ACOXL: variants seen among roughly 807,000 people sequenced by gnomAD.
ACOXL encodes acyl-CoA oxidase like, also known as acyl-coenzyme A oxidase-like protein.
In ACOXL, 70 loss-of-function variants were observed where a neutral mutation model predicts 71.9. That is an observed-to-expected ratio of 0.97 (90% confidence interval 0.80 to 1.19). The LOEUF is 1.19. Among genes scored for constraint, ACOXL ranks in the 50% most tolerant of loss-of-function variants. The probability of loss-of-function intolerance (pLI) is 0.00; values close to 1 mark genes in which losing one functional copy is unlikely to be tolerated. For missense variants in ACOXL, 703 were observed against 736.3 expected, an observed-to-expected ratio of 0.95 and a Z score of 0.52; for synonymous variants, 253 against 281.6, an observed-to-expected ratio of 0.90 and a Z score of 1.02.
intron 16 of ACOXL, among the ~76,000 whole-genome samples, chr2:111,069,456 T>C (rs1343317845): frequency 2.0e-5 from 3 of 152,174 alleles, no homozygotes; most frequent in African/African-American, 7.2e-5. Flanking sequence ...CTGGCCTCCC[T>C]CTTCTTATAA....
At chr2:110,919,970 G>C (rs189717779) in intron 11 of ACOXL, among the ~76,000 whole-genome samples, 1 of 152,266 alleles carries the variant, frequency 6.6e-6, no homozygotes, top group East Asian at 1.9e-4. Context: ...CATTTAACTA[G>C]GGAGGAACAT....
chr2:110,950,912 GTC>G (rs147405367), intron 12 of ACOXL, among the ~76,000 whole-genome samples: 20 of 151,406 alleles, frequency 1.3e-4, no homozygotes, highest in African/African-American at 3.6e-4. Context: ...GTGCTAGAGG[GTC>G]TCTCTCTCTC....
chr2:110,970,930 A>G (rs927404649), intron 12 of ACOXL, among the ~76,000 whole-genome samples: 1 of 152,254 alleles, frequency 6.6e-6, no homozygotes, highest in Non-Finnish European at 1.5e-5. Context: ...TAGGGTTGAC[A>G]TCAAAAGCAC....
intron 12 of ACOXL, among the ~76,000 whole-genome samples, chr2:110,937,353 A>G (rs1417605458): frequency 6.7e-6 from 1 of 148,526 alleles, no homozygotes; most frequent in Non-Finnish European, 1.5e-5. Context: ...TAAAAGAGTA[A>G]ATTTAGAACA....
Position 111,074,617 on chromosome 2 carries a change from C to T in ACOXL, c.1441-18248C>T, listed in dbSNP as rs187185297. On this transcript the variant is annotated intron_variant, in intron 16 of 17. Transcript: ENST00000439055. ...ATGTCTTTTGATTTTTTTTTGGAAA[C>T]CAGGTCTCATACCATCTCCCGTGCT... Among the ~76,000 whole-genome samples, 780 of 151,174 alleles carry T rather than the reference C, an allele frequency of 5.2e-3. 3 individuals are homozygous for T. The highest frequency in any genetic ancestry group is 9.1e-3 in the Admixed American group (138 of 15,180).
intron 17 of ACOXL, among the ~76,000 whole-genome samples, chr2:111,114,512 G>A (rs2070205943): frequency 6.6e-6 from 1 of 152,120 alleles, no homozygotes; most frequent in African/African-American, 2.4e-5. Context: ...TCAAGTTTGG[G>A]TAAGGGATTT....
At chr2:111,117,240 G>A (rs1047027632) in intron 17 of ACOXL, among the ~76,000 whole-genome samples, 2 of 152,216 alleles carry the variant, frequency 1.3e-5, no homozygotes, top group African/African-American at 4.8e-5. Flanking sequence ...GGGACGACAG[G>A]GGAGGCAAAG....
chr2:110,857,336 T>C (rs1693380605), intron 10 of ACOXL, among the ~76,000 whole-genome samples: 1 of 152,188 alleles, frequency 6.6e-6, no homozygotes, highest in South Asian at 2.1e-4. Context: ...CAAGAGACTT[T>C]CCTTCATCTC....
At chr2:110,890,807 C>T (rs1697841229) in intron 10 of ACOXL, among the ~76,000 whole-genome samples, 1 of 151,958 alleles carries the variant, frequency 6.6e-6, no homozygotes, top group South Asian at 2.1e-4. Context: ...CCTTCTAATT[C>T]CCATGTGAAT....
chr2:110,928,074 G>T (rs1156813383), intron 11 of ACOXL, among the ~76,000 whole-genome samples: 1 of 152,202 alleles, frequency 6.6e-6, no homozygotes, highest in Non-Finnish European at 1.5e-5. Context: ...AACTCAAGCA[G>T]TCCAGGATGC....
intron 10 of ACOXL, among the ~76,000 whole-genome samples, chr2:110,903,212 A>G (rs1030575472): frequency 6.6e-6 from 1 of 152,216 alleles, no homozygotes; most frequent in African/African-American, 2.4e-5. Context: ...GGGAGAAGAG[A>G]CCAGAGGGAG....
chr2:110,809,412 A>G (rs985520539), intron 9 of ACOXL, among the ~76,000 whole-genome samples: 22 of 152,172 alleles, frequency 1.4e-4, no homozygotes, highest in African/African-American at 4.6e-4. Flanking sequence ...TTTTTCAGGC[A>G]CGTGGGTGCT....
chr2:111,109,671 A>ATTTTTTTTTTTTTTTTT (rs869081161), intron 17 of ACOXL, among the ~76,000 whole-genome samples: 2 of 75,644 alleles, frequency 2.6e-5, no homozygotes, highest in African/African-American at 5.5e-5. Flanking sequence ...TTCTCCTTCT[A>ATTTTTTTTTTTTTTTTT]TTTTTTTTTT....
intron 10 of ACOXL, among the ~76,000 whole-genome samples, chr2:110,859,741 C>G (rs1693715047): frequency 6.6e-6 from 1 of 152,212 alleles, no homozygotes; most frequent in Non-Finnish European, 1.5e-5. Flanking sequence ...GGTCTTTGCT[C>G]ACCAGGCGCT....
chr2:110,928,581 A>G (rs1434679945), intron 11 of ACOXL, among the ~76,000 whole-genome samples: 1 of 152,254 alleles, frequency 6.6e-6, no homozygotes, highest in Non-Finnish European at 1.5e-5. Context: ...TTTATACAAA[A>G]TAAACTTTTA....
chr2:110,951,192 A>G (rs996717550), intron 12 of ACOXL, among the ~76,000 whole-genome samples: 1 of 152,198 alleles, frequency 6.6e-6, no homozygotes, highest in Non-Finnish European at 1.5e-5. Context: ...AAAAAATAGC[A>G]GCTGAGTAGA....
rs1403073397 is a variant in ACOXL at position 111,118,360 on chromosome 2, A to G, written c.*544A>G. 6.5e-6 allele frequency: 1 copy of G among 153,434 alleles called. No individual in the cohort carries two copies. The highest frequency in any genetic ancestry group is 1.5e-5 in the Non-Finnish European group (1 of 68,936). The allele number at this position is 153,434 out of a possible 1,614,324, so 9.5% of individuals were successfully genotyped here. On this transcript the variant is annotated 3_prime_UTR_variant, in exon 18 of 18. Transcript: ENST00000439055. Reference sequence around the variant, plus strand: ...TGGGGCTCTGCAAGGAAACGCACGGACTGGGAGAAGGAAGTGGGAGCCTAG... The same window carrying G: ...TGGGGCTCTGCAAGGAAACGCACGGGCTGGGAGAAGGAAGTGGGAGCCTAG...
At chr2:111,058,105 CAAAAG>C (rs1432867476) in intron 16 of ACOXL, among the ~76,000 whole-genome samples, 1 of 152,080 alleles carries the variant, frequency 6.6e-6, no homozygotes, top group African/African-American at 2.4e-5. Flanking sequence ...TCACTAGAGA[CAAAAG>C]AAAATTAGAA....
intron 10 of ACOXL, among the ~76,000 whole-genome samples, chr2:110,870,800 C>T (rs915322416): frequency 6.6e-6 from 1 of 152,186 alleles, no homozygotes; most frequent in Non-Finnish European, 1.5e-5. Flanking sequence ...TCTCAGGGTG[C>T]AGGATTTCTC....
Sources: gnomAD v4.1 joint callset for allele counts (sites outside exome capture counted in the v4.1 genomes callset) on GRCh38, gnomAD v4.1.1 for gene constraint, MANE v1.5 for transcripts, NCBI Gene and HGNC (gene_info 2026-07-23, HGNC 2026-07-21) for gene names.